Variants in OR5BS1 observed in about 807,000 individuals in gnomAD.
OR5BS1 encodes the protein olfactory receptor 5BS1.
At chr12:48,561,941 T>G in the OR5BS1 span, among the ~76,000 whole-genome samples, 1 of 49,222 alleles carries the variant, frequency 2.0e-5, no homozygotes, top group East Asian at 6.2e-4. Context: ...AAAATAACAG[T>G]AAAATGACTA....
chr12:48,561,020 T>G, the OR5BS1 span, among the ~76,000 whole-genome samples: 220 of 151,960 alleles, frequency 1.4e-3, 1 homozygote, highest in African/African-American at 5.3e-3. Context: ...GGAGAATTGC[T>G]TCAGCCTCGG....
At chr12:48,561,995 T>C in the OR5BS1 span, among the ~76,000 whole-genome samples, 2 of 152,192 alleles carry the variant, frequency 1.3e-5, no homozygotes, top group African/African-American at 4.8e-5. Flanking sequence ...AGGAACATCC[T>C]TGGGATAGTC....
the OR5BS1 span, chr12:48,560,601 C>T: frequency 4.2e-5 from 17 of 401,572 alleles, no homozygotes; most frequent in Non-Finnish European, 6.2e-5. Flanking sequence ...TCTTTTCCAC[C>T]TGCTCTTCCC....
chr12:48,560,440 T>A, the OR5BS1 span: 1 of 401,460 alleles, frequency 2.5e-6, no homozygotes, highest in African/African-American at 2.1e-5. Flanking sequence ...GGTGCTCTTA[T>A]TGACCTGTTC....
At chr12:48,560,434 C>A in the OR5BS1 span, 1 of 401,576 alleles carries the variant, frequency 2.5e-6, no homozygotes, top group South Asian at 1.3e-4. Flanking sequence ...TCCTCCGGTG[C>A]TCTTATTGAC....
At chr12:48,562,221 T>G in the OR5BS1 span, among the ~76,000 whole-genome samples, 1 of 152,232 alleles carries the variant, frequency 6.6e-6, no homozygotes, top group South Asian at 2.1e-4. Flanking sequence ...AAATGTTTGT[T>G]CCACTCAACT....
the OR5BS1 span, among the ~76,000 whole-genome samples, chr12:48,560,957 G>T: frequency 6.6e-6 from 1 of 152,090 alleles, no homozygotes; most frequent in Non-Finnish European, 1.5e-5. Context: ...ATAAAAATCA[G>T]CCAGGTGTGG....
chr12:48,562,933 A>G, the OR5BS1 span: 39 of 401,340 alleles, frequency 9.7e-5, no homozygotes, highest in Middle Eastern at 1.5e-3. Flanking sequence ...GATGCTGGCC[A>G]GGAAGTCCAG....
At chr12:48,562,041 A>G in the OR5BS1 span, among the ~76,000 whole-genome samples, 2 of 152,224 alleles carry the variant, frequency 1.3e-5, no homozygotes, top group African/African-American at 4.8e-5. Flanking sequence ...CAAATAAATA[A>G]TAATACTAGT....
chr12:48,562,396 A>G, the OR5BS1 span, among the ~76,000 whole-genome samples: 1 of 152,248 alleles, frequency 6.6e-6, no homozygotes, highest in African/African-American at 2.4e-5. Flanking sequence ...AATTCCTCAT[A>G]TGATCATCAC....
At chr12:48,562,258 G>A in the OR5BS1 span, among the ~76,000 whole-genome samples, 1 of 152,316 alleles carries the variant, frequency 6.6e-6, no homozygotes, top group South Asian at 2.1e-4. Flanking sequence ...CAAGGATTCT[G>A]AGGGTAATTC....
At chr12:48,561,097 G>A in the OR5BS1 span, among the ~76,000 whole-genome samples, 3 of 122,706 alleles carry the variant, frequency 2.4e-5, no homozygotes, top group Non-Finnish European at 3.5e-5. Flanking sequence ...AGTGAGACTA[G>A]GTCAAAAAAA....
the OR5BS1 span, chr12:48,560,114 T>C: frequency 2.5e-6 from 1 of 401,994 alleles, no homozygotes; most frequent in Non-Finnish European, 4.4e-6. Flanking sequence ...TCAATTATTG[T>C]GCCTAAACTG....
the OR5BS1 span, chr12:48,560,117 C>G: frequency 2.2e-5 from 9 of 402,036 alleles, no homozygotes; most frequent in African/African-American, 1.6e-4. Context: ...ATTATTGTGC[C>G]TAAACTGCTA....
the OR5BS1 span, among the ~76,000 whole-genome samples, chr12:48,561,568 C>A: frequency 6.6e-6 from 1 of 152,200 alleles, no homozygotes; most frequent in East Asian, 1.9e-4. Context: ...GCTTCTCAGA[C>A]ATCGACAGCT....
chr12:48,561,079 G>C, the OR5BS1 span, among the ~76,000 whole-genome samples: 1 of 150,554 alleles, frequency 6.6e-6, no homozygotes, highest in East Asian at 2.0e-4. Flanking sequence ...CTCCAGCCTG[G>C]GTGACAGAGT....
the OR5BS1 span, chr12:48,562,690 A>C: frequency 2.5e-6 from 1 of 398,374 alleles, no homozygotes; most frequent in Non-Finnish European, 4.4e-6. Flanking sequence ...AGCTCTGAAG[A>C]CCTCCTTTGC....
the OR5BS1 span, among the ~76,000 whole-genome samples, chr12:48,562,395 T>C: frequency 2.0e-5 from 3 of 152,234 alleles, no homozygotes; most frequent in Non-Finnish European, 4.4e-5. Flanking sequence ...AAATTCCTCA[T>C]ATGATCATCA....
At chr12:48,562,864 C>T in the OR5BS1 span, 1 of 402,116 alleles carries the variant, frequency 2.5e-6, no homozygotes, top group Middle Eastern at 3.1e-4. Context: ...GATAACCCCC[C>T]TGCTGAACCC....
Sources: gnomAD v4.1 joint callset for allele counts (sites outside exome capture counted in the v4.1 genomes callset) on GRCh38, gnomAD v4.1.1 for gene constraint, MANE v1.5 for transcripts, NCBI Gene and HGNC (gene_info 2026-07-23, HGNC 2026-07-21) for gene names.